The following TNRC18 variants were observed in gnomAD, a reference collection of about 807,000 sequenced individuals.
TNRC18 encodes trinucleotide repeat containing 18.
TNRC18 carries 69 observed loss-of-function variants against 226.7 expected under a neutral mutation model. That is an observed-to-expected ratio of 0.30 (90% CI 0.25 to 0.37). The LOEUF (loss-of-function observed/expected upper bound fraction) is 0.37. TNRC18 is among the 10% of genes least tolerant of loss of function. The probability of loss-of-function intolerance (pLI) is 1.00; values close to 1 mark genes in which losing one functional copy is unlikely to be tolerated. For missense variants in TNRC18, 4,754 were observed against 4,256.6 expected, an observed-to-expected ratio of 1.12 and a Z score of -3.25; for synonymous variants, 2,449 against 1,927.6, an observed-to-expected ratio of 1.27 and a Z score of -7.09.
chr7:5,335,425 T>G (rs958728573), intron 18 of TNRC18, among the ~76,000 whole-genome samples: 1 of 149,438 alleles, frequency 6.7e-6, no homozygotes, highest in Non-Finnish European at 1.5e-5. Flanking sequence ...CTGGCCAACA[T>G]GGTGAAACAC....
At chr7:5,332,290 AG>A (rs1029172153) in intron 19 of TNRC18, among the ~76,000 whole-genome samples, 18 of 152,058 alleles carry the variant, frequency 1.2e-4, no homozygotes, top group African/African-American at 4.3e-4. Flanking sequence ...TAAATTAGCC[AG>A]GTGCAGTGAC....
At chr7:5,401,487 C>G (rs1781088179) in intron 2 of TNRC18, among the ~76,000 whole-genome samples, 1 of 152,172 alleles carries the variant, frequency 6.6e-6, no homozygotes, top group Non-Finnish European at 1.5e-5. Flanking sequence ...GCAACTTACC[C>G]TGCCACGCCC....
rs75053725 is a variant in TNRC18 at position 5,408,922 on chromosome 7, T to C, written c.187+12138A>G. Among the ~76,000 whole-genome samples, 4 of 152,300 alleles carry C rather than the reference T, an allele frequency of 2.6e-5. No homozygotes were observed. The East Asian group carries it at 5.8e-4, about 22-fold the overall frequency. Reference sequence around the variant, plus strand: ...CACTGAGGGTATGCATTCTCAGGACTAGGGTGTGGACCAAAGGGAAAACAG... The same window carrying C: ...CACTGAGGGTATGCATTCTCAGGACCAGGGTGTGGACCAAAGGGAAAACAG... On this transcript the variant is annotated intron_variant, in intron 2 of 29. Transcript: ENST00000430969.
intron 18 of TNRC18, 46 bp downstream of exon 18, chr7:5,345,516 C>CTGGG: frequency 2.8e-6 from 1 of 354,368 alleles, no homozygotes; most frequent in Non-Finnish European, 5.2e-6. Context: ...CAATGGCGTC[C>CTGGG]GCCCCTCCCA....
intron 10 of TNRC18, among the ~76,000 whole-genome samples, chr7:5,373,491 T>C (rs761356502): frequency 9.9e-5 from 15 of 152,144 alleles, no homozygotes; most frequent in Non-Finnish European, 1.8e-4. Context: ...AGCTCAGTGA[T>C]TGCCACCACT....
chr7:5,364,756 A>G (rs1793447858), intron 11 of TNRC18, among the ~76,000 whole-genome samples: 1 of 148,992 alleles, frequency 6.7e-6, no homozygotes, highest in African/African-American at 2.5e-5. Flanking sequence ...GGGAGGCATG[A>G]TAGCCCCACT....
At chr7:5,369,122 C>A (rs571162091) in intron 11 of TNRC18, among the ~76,000 whole-genome samples, 1 of 151,976 alleles carries the variant, frequency 6.6e-6, no homozygotes, top group Admixed American at 6.6e-5. Flanking sequence ...CCAAGGCAGG[C>A]GGGTCACTTG....
intron 2 of TNRC18, among the ~76,000 whole-genome samples, chr7:5,402,917 G>A (rs989610745): frequency 1.3e-5 from 2 of 151,808 alleles, no homozygotes; most frequent in Non-Finnish European, 2.9e-5. Flanking sequence ...TGGAGGAAGG[G>A]TGCCCAGGCC....
chr7:5,418,810 G>A (rs1782352469), intron 2 of TNRC18, among the ~76,000 whole-genome samples: 1 of 152,122 alleles, frequency 6.6e-6, no homozygotes, highest in Non-Finnish European at 1.5e-5. Flanking sequence ...TGTGTAATCC[G>A]GCCCAGCCCC....
intron 19 of TNRC18, 110 bp downstream of exon 19, chr7:5,332,512 C>T: frequency 7.9e-7 from 1 of 1,260,444 alleles, no homozygotes; most frequent in Non-Finnish European, 1.1e-6. Context: ...GAGCCGAGTA[C>T]ATGGTTATTA....
chr7:5,374,542 C>A, intron 9 of TNRC18, 58 bp from the exon 10 acceptor site: 7 of 1,489,132 alleles, frequency 4.7e-6, no homozygotes, highest in Non-Finnish European at 5.4e-6. Flanking sequence ...TCCCCGACGC[C>A]CGCACCTGCC....
At position 5,377,396 on chromosome 7, in the gene TNRC18, G is replaced by A; in HGVS notation, c.2436C>T (p.Ser812=). The change falls in exon 7 of 30, where the codon TCC becomes TCT. Residue 812 remains serine (S), a synonymous_variant. Coordinates refer to ENST00000430969, the MANE Select transcript of TNRC18 (RefSeq NM_001080495.3). The surrounding 1 kb of genome is among the most constrained non-coding windows in gnomAD (Gnocchi z 5.8). The part of the protein sequence containing the change: ...HPWLPRSGNA[S]MWLAGHPYGL... ...CGTAGGGGTGTCCAGCGAGCCACAT[G>A]GATGCGTTGCCCGAGCGGGGCAACC... The A allele has an allele frequency of 3.2e-6, 5 of 1,586,460 alleles. No individual in the cohort carries two copies. Among genetic ancestry groups the A allele is most frequent in the Non-Finnish European group, 3.4e-6 (4 of 1,166,680 alleles).
chr7:5,387,527 G>A, intron 5 of TNRC18, 145 bp downstream of exon 5: 14 of 1,187,458 alleles, frequency 1.2e-5, no homozygotes, highest in Non-Finnish European at 1.5e-5. Flanking sequence ...GTACATGCTC[G>A]CAACAGAACA....
chr7:5,359,954 C>T (rs891460668), intron 14 of TNRC18, among the ~76,000 whole-genome samples: 3 of 151,544 alleles, frequency 2.0e-5, no homozygotes, highest in Non-Finnish European at 4.4e-5. Context: ...CAAGTTTACA[C>T]GAAGAAGGAT....
chr7:5,378,155 G>T, intron 5 of TNRC18, 131 bp from the exon 6 acceptor site: 1 of 647,782 alleles, frequency 1.5e-6, no homozygotes. Context: ...TCCGTGTAGT[G>T]CCTTCACCCC....
At chr7:5,396,459 ACT>A (rs1225300054) in intron 2 of TNRC18, among the ~76,000 whole-genome samples, 7 of 152,016 alleles carry the variant, frequency 4.6e-5, no homozygotes, top group Admixed American at 2.6e-4. Context: ...GAGCTGGGAG[ACT>A]GCAGTGAGCT....
At chr7:5,336,333 C>T (rs184291792) in intron 18 of TNRC18, among the ~76,000 whole-genome samples, 3 of 152,060 alleles carry the variant, frequency 2.0e-5, no homozygotes, top group Admixed American at 6.6e-5. Context: ...GAACAGCCAA[C>T]GATTCTGAAA....
Position 5,356,826 on chromosome 7 carries a change from G to C in TNRC18, c.5194+90C>G, listed in dbSNP as rs1455123922. The C allele has an allele frequency of 2.3e-5, 30 of 1,281,932 alleles. No individual in the cohort carries two copies. In the East Asian group the frequency reaches 4.1e-4, roughly 18 times the overall value. The allele number at this position is 1,281,932 out of a possible 1,614,324, so 79.4% of individuals were successfully genotyped here. On this transcript the variant is annotated intron_variant, in intron 16 of 29. Transcript: ENST00000430969. ...AGAGCGAGAGCGAGAGAGAGAGTGA[G>C]GGGCGGGGGGGGAAGGAGGACGGTG... is the stretch of plus-strand genomic sequence containing the variant.
Position 5,387,726 on chromosome 7 carries a change from G to A in TNRC18, c.2098C>T (p.Leu700=). 1 of 1,605,906 alleles carries A rather than the reference G, an allele frequency of 6.2e-7. No homozygotes were observed. Among genetic ancestry groups the A allele is most frequent in the African/African-American group, 1.3e-5 (1 of 75,054 alleles). The change falls in exon 5 of 30, where the codon CTG becomes TTG. Residue 700 remains leucine, a synonymous_variant. Transcript: ENST00000430969. ...RQKDSGGSGR[L]GPGLVDQERS... ...TCCTGGTCTACCAGCCCAGGCCCCA[G>A]CCGGCCACTGCCGCCACTGTCCTTC...
Sources: allele counts gnomAD v4.1 joint callset (sites outside exome capture counted in the v4.1 genomes callset), GRCh38; gene constraint gnomAD v4.1.1; non-coding constraint Gnocchi (gnomAD v3.1); transcripts MANE v1.5; gene names NCBI Gene and HGNC (gene_info 2026-07-23, HGNC 2026-07-21).